Variants in CADM2 observed in about 807,000 individuals in gnomAD.
The protein encoded by CADM2 is cell adhesion molecule 2.
A neutral mutation model predicts 49.8 loss-of-function variants in CADM2; 12 were observed. The observed-to-expected ratio is 0.24, with a 90% CI of 0.15 to 0.39. The LOEUF (loss-of-function observed/expected upper bound fraction) is 0.39. Among genes scored for constraint, CADM2 ranks in the 10% least tolerant of loss-of-function variants. The probability of loss-of-function intolerance (pLI) is 1.00; values close to 1 mark genes in which losing one functional copy is unlikely to be tolerated. For missense variants in CADM2, 378 were observed against 492.3 expected, an observed-to-expected ratio of 0.77 and a Z score of 2.20; for synonymous variants, 214 against 175.4, an observed-to-expected ratio of 1.22 and a Z score of -1.74.
Position 85,315,805 on chromosome 3 carries a change from GA to G in CADM2, c.61+356140del, listed in dbSNP as rs376502587. Among the ~76,000 whole-genome samples, 276 of 152,068 alleles carry G rather than the reference GA, an allele frequency of 1.8e-3. 1 individual carries two copies. The highest frequency in any genetic ancestry group is 6.4e-3 in the African/African-American group (265 of 41,484). On this transcript the variant is annotated intron_variant, in intron 1 of 9. Transcript: ENST00000383699. The stretch of plus-strand genomic sequence containing the variant: ...GGAAAGCTGTAATTTTTGGATTTTG[GA>G]AATACTTTAACAACTAATATATTTC...
At chr3:85,420,839 G>A (rs549819945) in intron 1 of CADM2, among the ~76,000 whole-genome samples, 1 of 152,176 alleles carries the variant, frequency 6.6e-6, no homozygotes, top group Admixed American at 6.5e-5. Context: ...TTGTACCTAT[G>A]TTATCTTATA....
At position 85,028,138 on chromosome 3, in the gene CADM2, A is replaced by G. The variant is rs146189704; in HGVS notation, c.61+68470A>G. On this transcript the variant is annotated intron_variant, in intron 1 of 9. Transcript: ENST00000383699. Reference sequence around the variant, plus strand: ...ATTCATCCTCATTAGAATAATCTGCACTGGGTATTTTTATTTCCATTTTAC... The same window carrying G: ...ATTCATCCTCATTAGAATAATCTGCGCTGGGTATTTTTATTTCCATTTTAC... Among the ~76,000 whole-genome samples the G allele has an allele frequency of 4.9e-3, 746 of 152,322 alleles. 6 individuals are homozygous for G. The highest frequency in any genetic ancestry group is 0.017 in the African/African-American group (718 of 41,584).
intron 1 of CADM2, among the ~76,000 whole-genome samples, chr3:85,660,533 C>T (rs1456847815): frequency 6.6e-6 from 1 of 151,610 alleles, no homozygotes; most frequent in Non-Finnish European, 1.5e-5. Flanking sequence ...AAATCTCCTG[C>T]TCCCCTTCAG....
intron 1 of CADM2, among the ~76,000 whole-genome samples, chr3:85,393,391 A>G (rs924658927): frequency 3.3e-5 from 5 of 152,214 alleles, no homozygotes; most frequent in Non-Finnish European, 5.9e-5. Flanking sequence ...GCACATGTCA[A>G]TGATGGGAGA....
At chr3:85,496,925 C>A (rs745638693) in intron 1 of CADM2, among the ~76,000 whole-genome samples, 2 of 152,302 alleles carry the variant, frequency 1.3e-5, no homozygotes, top group Non-Finnish European at 2.9e-5. Context: ...CTCACTGCAA[C>A]CTCCAACGCC....
intron 7 of CADM2, among the ~76,000 whole-genome samples, chr3:85,953,353 A>T (rs1354786422): frequency 6.6e-6 from 1 of 150,962 alleles, no homozygotes; most frequent in Admixed American, 6.6e-5. Context: ...TTTTGCCAAT[A>T]GCAATTTTAC....
At chr3:85,628,862 A>C (rs1185029479) in intron 1 of CADM2, among the ~76,000 whole-genome samples, 3 of 151,014 alleles carry the variant, frequency 2.0e-5, no homozygotes, top group Non-Finnish European at 4.4e-5. Context: ...TTTGACTCTT[A>C]TCGTTTTTCT....
intron 1 of CADM2, among the ~76,000 whole-genome samples, chr3:85,180,514 GA>G (rs58932967): frequency 0.23 from 18,021 of 77,288 alleles, 1,413 homozygotes; most frequent in East Asian, 0.45. Context: ...GTCTCAAAAA[GA>G]AAAAAAAAAA....
At position 85,177,938 on chromosome 3, in the gene CADM2, AGTAC is replaced by A. The variant is rs1341958868; in HGVS notation, c.61+218271_61+218274del. On this transcript the variant is annotated intron_variant, in intron 1 of 9. Coordinates refer to ENST00000383699, the MANE Select transcript of CADM2 (RefSeq NM_001167675.2). ...GGCGGATAATCCAATTATTGAATTT[AGTAC>A]AATTGTACTTACATACAAAGTTTTG... Among the ~76,000 whole-genome samples the A allele has an allele frequency of 5.3e-5, 8 of 152,116 alleles. No homozygotes were observed. The South Asian group carries it at 1.7e-3, about 32-fold the overall frequency.
At chr3:85,888,096 T>G (rs1408354269) in intron 5 of CADM2, among the ~76,000 whole-genome samples, 1 of 152,194 alleles carries the variant, frequency 6.6e-6, no homozygotes, top group African/African-American at 2.4e-5. Flanking sequence ...CTTCCTAAAT[T>G]CTGACACAAT....
intron 1 of CADM2, among the ~76,000 whole-genome samples, chr3:85,140,800 C>G (rs753515557): frequency 1.3e-5 from 2 of 152,158 alleles, no homozygotes; most frequent in Non-Finnish European, 2.9e-5. Context: ...CAGCTGCATG[C>G]CAGAATATCA....
chr3:85,048,490 A>T (rs931614410), intron 1 of CADM2, among the ~76,000 whole-genome samples: 1 of 152,198 alleles, frequency 6.6e-6, no homozygotes, highest in African/African-American at 2.4e-5. Context: ...CTGTTGAGGC[A>T]GCAGAGATAA....
intron 8 of CADM2, among the ~76,000 whole-genome samples, chr3:85,996,480 C>A (rs1729436618): frequency 1.3e-5 from 2 of 151,806 alleles, no homozygotes; most frequent in South Asian, 4.1e-4. Context: ...CTAAAATTCA[C>A]ATACATATAA....
intron 1 of CADM2, among the ~76,000 whole-genome samples, chr3:85,364,070 C>T (rs574585577): frequency 6.6e-6 from 1 of 152,210 alleles, no homozygotes; most frequent in Admixed American, 6.5e-5. Context: ...GCTATAACCC[C>T]TCCACTAAAA....
intron 1 of CADM2, among the ~76,000 whole-genome samples, chr3:85,641,098 C>T (rs1425591070): frequency 1.3e-5 from 2 of 152,150 alleles, no homozygotes; most frequent in East Asian, 3.9e-4. Context: ...AGAACTTCTA[C>T]CACTGCATTG....
At chr3:85,381,438 T>C (rs961503164) in intron 1 of CADM2, among the ~76,000 whole-genome samples, 14 of 147,436 alleles carry the variant, frequency 9.5e-5, no homozygotes, top group Admixed American at 4.8e-4. Context: ...TATATATATA[T>C]AAAGAAAATA....
At chr3:85,643,458 AT>A (rs2107559158) in intron 1 of CADM2, among the ~76,000 whole-genome samples, 1 of 152,306 alleles carries the variant, frequency 6.6e-6, no homozygotes, top group South Asian at 2.1e-4. Flanking sequence ...TTGACTTTAA[AT>A]TTCCAGAGAT....
At chr3:85,511,832 C>T in intron 1 of CADM2, 1 of 966,450 alleles carries the variant, frequency 1.0e-6, no homozygotes, top group Non-Finnish European at 1.2e-6. Context: ...AAACTAATGG[C>T]ATGTTTTATT....
intron 7 of CADM2, among the ~76,000 whole-genome samples, chr3:85,957,858 A>C (rs1356763731): frequency 6.6e-6 from 1 of 151,952 alleles, no homozygotes. Context: ...CTAGGAGAAA[A>C]CCTAGGCAAT....
Sources: gnomAD v4.1 joint callset for allele counts (sites outside exome capture counted in the v4.1 genomes callset) on GRCh38, gnomAD v4.1.1 for gene constraint, MANE v1.5 for transcripts, NCBI Gene and HGNC (gene_info 2026-07-23, HGNC 2026-07-21) for gene names.